ZNF777: variants seen among roughly 807,000 people sequenced by gnomAD.
ZNF777 encodes the protein zinc finger protein 777.
Under a neutral mutation model 72.1 loss-of-function variants are expected in ZNF777, and 7 were observed. The ratio of observed to expected loss-of-function variants is 0.10; its 90% CI spans 0.06 to 0.18. The LOEUF is 0.18. Among genes scored for constraint, ZNF777 ranks in the 10% least tolerant of loss-of-function variants. The pLI is 1.00. For synonymous variants in ZNF777, 545 were observed against 483.5 expected (o/e 1.13, Z -1.67); for missense variants, 828 against 1,128.6 (o/e 0.73, Z 3.82).
At chr7:149,453,451 A>G (rs577709969) in intron 3 of ZNF777, among the ~76,000 whole-genome samples, 43 of 152,364 alleles carry the variant, frequency 2.8e-4, no homozygotes, top group African/African-American at 9.9e-4. Context: ...AGAAACAGAT[A>G]TATATACACA....
chr7:149,445,430 G>A (rs115489106), intron 4 of ZNF777, among the ~76,000 whole-genome samples: 1 of 152,132 alleles, frequency 6.6e-6, no homozygotes, highest in Admixed American at 6.5e-5. Flanking sequence ...AGAACAGGGA[G>A]CTCAGTGCAT....
intron 4 of ZNF777, among the ~76,000 whole-genome samples, chr7:149,446,904 T>C (rs912592488): frequency 7.2e-5 from 11 of 152,162 alleles, no homozygotes; most frequent in South Asian, 6.2e-4. Flanking sequence ...AATGGACCCT[T>C]TTTAGTCTTC....
At position 149,451,037 on chromosome 7, in the gene ZNF777, T is replaced by C; in HGVS notation, c.1049A>G (p.Asp350Gly). ...GERPTMQEQE[D>G]SEEGETPTDP... is the part of the protein sequence containing the mutation. Reference sequence around the variant, plus strand: ...TGTCGGCGTTTCGCCCTCCTCAGAGTCTTCCTGCTCCTGCATGGTGGGCCG... The same window carrying C: ...TGTCGGCGTTTCGCCCTCCTCAGAGCCTTCCTGCTCCTGCATGGTGGGCCG... Residue 350 changes from aspartate (D) to glycine (G), a missense_variant, in exon 4 of 6, where the codon GAC becomes GGC. By Grantham distance (94) the Asp-to-Gly change is moderately conservative. Around this residue, in one of 12 missense-constraint regions of ZNF777, gnomAD observed 73 missense variants for 90.6 expected, o/e 0.81. Coordinates refer to ENST00000247930, the MANE Select transcript of ZNF777 (RefSeq NM_015694.3). 6.2e-7 allele frequency: 1 copy of C among 1,613,888 alleles called. No homozygotes were observed. Among genetic ancestry groups the C allele is most frequent in the South Asian group, 1.1e-5 (1 of 91,076 alleles).
intron 4 of ZNF777, among the ~76,000 whole-genome samples, chr7:149,439,332 G>C (rs1799468129): frequency 1.3e-5 from 2 of 152,070 alleles, no homozygotes; most frequent in African/African-American, 4.8e-5. Context: ...TATTTTGCTT[G>C]CTTACACCTT....
chr7:149,446,702 C>T (rs1189782571), intron 4 of ZNF777, among the ~76,000 whole-genome samples: 1 of 152,062 alleles, frequency 6.6e-6, no homozygotes, highest in Non-Finnish European at 1.5e-5. Flanking sequence ...CTTAGGCAAA[C>T]AAGAATCCCC....
chr7:149,439,625 C>A (rs951817138), intron 4 of ZNF777, among the ~76,000 whole-genome samples: 3 of 152,178 alleles, frequency 2.0e-5, no homozygotes, highest in Non-Finnish European at 4.4e-5. Flanking sequence ...TCCCACTTTG[C>A]CCACAGAATT....
intron 1 of ZNF777, chr7:149,459,688 C>T: frequency 1.0e-6 from 1 of 985,140 alleles, no homozygotes. Flanking sequence ...CAGGGCGGGT[C>T]GCCGCCAGGT....
rs758567594 is a variant in ZNF777, at chr7:149,455,738, G to C, written c.285C>G (p.Gly95=). The change falls in exon 2 of 6, where the codon GGC becomes GGG. Residue 95 remains glycine, a synonymous_variant. Coordinates refer to ENST00000247930, the MANE Select transcript of ZNF777 (RefSeq NM_015694.3). This position sits in a 1 kb window ranked among gnomAD's most constrained non-coding sequence, Gnocchi z 4.2. ...AASEQETSLQ[G]PLASQEGTQY... ...GGGTCCCTTCCTGGGAAGCCAGGGG[G>C]CCCTGGAGAGAAGTCTCTTGCTCAG... The C allele has an allele frequency of 6.3e-7, 1 of 1,586,954 alleles. No individual in the cohort carries two copies. Among genetic ancestry groups the C allele is most frequent in the Non-Finnish European group, 8.6e-7 (1 of 1,165,722 alleles).
chr7:149,455,768 G>A lies in ZNF777; in HGVS notation c.255C>T (p.Ala85=), dbSNP rs377457151. The stretch of plus-strand genomic sequence containing the variant: ...GGAGAGAAGTCTCTTGCTCAGAAGC[G>A]GCAGAACACAGGAGTGAGGGTCCCT... ...LQKGPSLLCS[A]ASEQETSLQG... is the part of the protein sequence containing the mutation. The change falls in exon 2 of 6, where the codon GCC becomes GCT. Residue 85 remains alanine (A), a synonymous_variant. Coordinates refer to ENST00000247930, the MANE Select transcript of ZNF777 (RefSeq NM_015694.3). The surrounding 1 kb of genome is among the most constrained non-coding windows in gnomAD (Gnocchi z 4.2). 40 of 1,603,144 alleles carry A rather than the reference G, an allele frequency of 2.5e-5. No homozygotes were observed. The highest frequency in any genetic ancestry group is 1.7e-4 in the Middle Eastern group (1 of 5,990).
At position 149,432,147 on chromosome 7, in the gene ZNF777, G is replaced by A; in HGVS notation, c.2125C>T (p.Leu709=). ...CGKSFSRPSH[L]LRHQRTHTGE... ...GTGTGAGTCCGCTGGTGGCGCAGCA[G>A]GTGCGAGGGGCGGCTGAAGCTCTTG... The change falls in exon 6 of 6, where the codon CTG becomes TTG. Residue 709 remains leucine (L), a synonymous_variant. Coordinates refer to ENST00000247930, the MANE Select transcript of ZNF777 (RefSeq NM_015694.3). 1.2e-6 allele frequency: 2 copies of A among 1,604,644 alleles called. No individual in the cohort carries two copies. The highest frequency in any genetic ancestry group is 1.7e-6 in the Non-Finnish European group (2 of 1,179,776).
At chr7:149,453,637 T>A (rs1231449173) in intron 3 of ZNF777, among the ~76,000 whole-genome samples, 1 of 152,064 alleles carries the variant, frequency 6.6e-6, no homozygotes, top group Non-Finnish European at 1.5e-5. Context: ...CGAACAGGAG[T>A]GTGAACACCT....
At position 149,431,682 on chromosome 7, in the gene ZNF777, C is replaced by A; in HGVS notation, c.*94G>T. 1.8e-6 allele frequency: 2 copies of A among 1,126,940 alleles called. No individual in the cohort carries two copies. Among genetic ancestry groups the A allele is most frequent in the South Asian group, 1.7e-5 (1 of 59,486 alleles). 69.8% of individuals were successfully genotyped at this position (1,126,940 alleles called of 1,614,324 possible). A position where few individuals can be genotyped will look rare whatever the true frequency, so the allele number is the denominator to read the frequency against. On this transcript the variant is annotated 3_prime_UTR_variant, in exon 6 of 6. Coordinates refer to ENST00000247930, the MANE Select transcript of ZNF777 (RefSeq NM_015694.3). ...AGCTCACGGCAAAGGGGCTGGGGGG[C>A]GCCCCGCCCCCGCCCGCTGGGCTCG...
intron 1 of ZNF777, among the ~76,000 whole-genome samples, chr7:149,458,795 C>T (rs1270259318): frequency 2.0e-5 from 3 of 152,260 alleles, no homozygotes; most frequent in African/African-American, 4.8e-5. Flanking sequence ...AAGAAATGAC[C>T]AAAGAGAGGG....
chr7:149,460,210 G>T lies in ZNF777; in HGVS notation c.-16+605C>A. On this transcript the variant is annotated intron_variant, in intron 1 of 5. Transcript: ENST00000247930. The surrounding 1 kb of genome is among the most constrained non-coding windows in gnomAD (Gnocchi z 6.1). ...CCGCTACTGCCGCCGCCGCTACTGC[G>T]CGCGGCCCCACGCAGGCCCGGCCGC... 1 of 605,580 alleles carries T rather than the reference G, an allele frequency of 1.7e-6. No individual in the cohort carries two copies. Among genetic ancestry groups the T allele is most frequent in the Non-Finnish European group, 2.1e-6 (1 of 485,968 alleles). The allele number at this position is 605,580 out of a possible 1,614,324, so 37.5% of individuals were successfully genotyped here. A position where few individuals can be genotyped will look rare whatever the true frequency, so the allele number is the denominator to read the frequency against.
At chr7:149,446,497 C>T (rs1297797972) in intron 4 of ZNF777, among the ~76,000 whole-genome samples, 1 of 152,150 alleles carries the variant, frequency 6.6e-6, no homozygotes, top group Non-Finnish European at 1.5e-5. Context: ...AGGAGTAATA[C>T]ATGCTCACAT....
At position 149,457,242 on chromosome 7, in the gene ZNF777, G is replaced by A. The variant is rs1050185369; in HGVS notation, c.-15-1205C>T. On this transcript the variant is annotated intron_variant, in intron 1 of 5. Coordinates refer to ENST00000247930, the MANE Select transcript of ZNF777 (RefSeq NM_015694.3). ...GAGGCGAAGCCACGATCTTCTGTGA[G>A]TAACTAGTTATGTATTTACCTAGAT... Among the ~76,000 whole-genome samples the A allele has an allele frequency of 2.0e-5, 3 of 152,178 alleles. No individual in the cohort carries two copies. In the East Asian group the frequency reaches 5.8e-4, roughly 29 times the overall value.
At chr7:149,440,665 GTTTTTTTGT>G (rs1176824571) in intron 4 of ZNF777, among the ~76,000 whole-genome samples, 56 of 88,396 alleles carry the variant, frequency 6.3e-4, no homozygotes, top group Admixed American at 4.8e-3. Flanking sequence ...GCAGCCTGTT[GTTTTTTTGT>G]TTTTTTTTTT....
At chr7:149,448,511 A>ATAT (rs1748359372) in intron 4 of ZNF777, among the ~76,000 whole-genome samples, 1 of 89,156 alleles carries the variant, frequency 1.1e-5, no homozygotes, top group African/African-American at 6.1e-5. Context: ...ATATATATAT[A>ATAT]ACTATATATA....
chr7:149,451,373 GAT>G lies in ZNF777; in HGVS notation c.974-263_974-262del, dbSNP rs1404459167. ...CCAGGTTTTCATGATAAAGGCAGAA[GAT>G]ATTTGAAATTTTGTAAGGTAAAAAA... On this transcript the variant is annotated intron_variant, in intron 3 of 5. Coordinates refer to ENST00000247930, the MANE Select transcript of ZNF777 (RefSeq NM_015694.3). Among the ~76,000 whole-genome samples, 3 of 152,082 alleles carry G rather than the reference GAT, an allele frequency of 2.0e-5. No homozygotes were observed. In the East Asian group the frequency reaches 5.8e-4, roughly 29 times the overall value.
Sources: gnomAD v4.1 joint callset for allele counts (sites outside exome capture counted in the v4.1 genomes callset) on GRCh38, gnomAD v4.1.1 for gene constraint, gnomAD v4.1.1 regional missense constraint, Gnocchi (gnomAD v3.1) non-coding constraint, MANE v1.5 for transcripts, NCBI Gene and HGNC (gene_info 2026-07-23, HGNC 2026-07-21) for gene names.